Variants in CDIN1 observed in about 807,000 individuals in gnomAD.
CDIN1 encodes the protein CDAN1 interacting nuclease 1.
A neutral mutation model predicts 45.3 loss-of-function variants in CDIN1; 33 were observed. The ratio of observed to expected loss-of-function variants is 0.73; its 90% CI spans 0.55 to 0.97. CDIN1 has a LOEUF of 0.97. CDIN1 is among the 50% of genes least tolerant of loss of function. The pLI is 0.00. For synonymous variants in CDIN1, 118 were observed against 124.4 expected, an observed-to-expected ratio of 0.95 and a Z score of 0.34; for missense variants, 303 against 339.4, an observed-to-expected ratio of 0.89 and a Z score of 0.84.
intron 1 of CDIN1, among the ~76,000 whole-genome samples, chr15:36,594,618 G>T (rs2140202930): frequency 6.6e-6 from 1 of 152,246 alleles, no homozygotes; most frequent in South Asian, 2.1e-4. Context: ...GAGAAGGAAA[G>T]GTTGGAATAT....
At chr15:36,639,587 CA>C (rs1173521224) in intron 1 of CDIN1, among the ~76,000 whole-genome samples, 1 of 151,548 alleles carries the variant, frequency 6.6e-6, no homozygotes, top group Non-Finnish European at 1.5e-5. Context: ...GACTCTGTCT[CA>C]AAAAAAACTG....
chr15:36,595,874 G>A (rs183044926), intron 1 of CDIN1, among the ~76,000 whole-genome samples: 1 of 152,242 alleles, frequency 6.6e-6, no homozygotes, highest in East Asian at 1.9e-4. Context: ...GGCGCCTGCT[G>A]AGAAGGCCAT....
chr15:36,604,165 G>GAC (rs976896531), intron 1 of CDIN1, among the ~76,000 whole-genome samples: 8 of 152,102 alleles, frequency 5.3e-5, no homozygotes, highest in Non-Finnish European at 1.5e-5. Flanking sequence ...CCACCCTGAA[G>GAC]AGGGGAGTTA....
chr15:36,768,993 A>G (rs1342042041), intron 10 of CDIN1, among the ~76,000 whole-genome samples: 4 of 152,132 alleles, frequency 2.6e-5, no homozygotes, highest in Non-Finnish European at 5.9e-5. Flanking sequence ...CTGTTATAAA[A>G]AAAAATTGCA....
At position 36,600,959 on chromosome 15, in the gene CDIN1, CTT is replaced by C. The variant is rs1456106477; in HGVS notation, c.101+21001_101+21002del. Among the ~76,000 whole-genome samples, 3 of 151,770 alleles carry C rather than the reference CTT, an allele frequency of 2.0e-5. No homozygotes were observed. In the East Asian group the frequency reaches 5.8e-4, roughly 29 times the overall value. On this transcript the variant is annotated intron_variant, in intron 1 of 10. Coordinates refer to ENST00000566621, the MANE Select transcript of CDIN1 (RefSeq NM_001321759.2). The stretch of plus-strand genomic sequence containing the variant: ...TGGTTAATTCTAAGTTAGTGATTGA[CTT>C]TTATTCGTGAGTGAGAGTAAATTTG...
chr15:36,630,821 G>A (rs1595391476), intron 1 of CDIN1, among the ~76,000 whole-genome samples: 1 of 152,136 alleles, frequency 6.6e-6, no homozygotes, highest in East Asian at 1.9e-4. Flanking sequence ...GAGAGAGGAG[G>A]AGGAGGGGAG....
intron 10 of CDIN1, among the ~76,000 whole-genome samples, chr15:36,718,237 T>C (rs2043282965): frequency 6.6e-6 from 1 of 152,148 alleles, no homozygotes. Context: ...GGTTTGTCTA[T>C]ACCAATTCAA....
chr15:36,791,095 T>C (rs139250742), intron 10 of CDIN1, among the ~76,000 whole-genome samples: 10 of 152,180 alleles, frequency 6.6e-5, no homozygotes, highest in African/African-American at 2.4e-4. Flanking sequence ...CTTGAGGAAG[T>C]AGGAAAGCTC....
chr15:36,795,091 T>A (rs1430707601), intron 10 of CDIN1, among the ~76,000 whole-genome samples: 1 of 152,126 alleles, frequency 6.6e-6, no homozygotes, highest in Admixed American at 6.5e-5. Context: ...GTTGATCTCA[T>A]GGGGGTAAAG....
chr15:36,777,550 A>G (rs1451975972), intron 10 of CDIN1, among the ~76,000 whole-genome samples: 1 of 152,180 alleles, frequency 6.6e-6, no homozygotes, highest in East Asian at 1.9e-4. Context: ...CATTCAGAAG[A>G]CATTTATTGA....
Position 36,703,219 on chromosome 15 carries a change from A to AATATATATATCAGATATATAT in CDIN1, c.544+5839_544+5840insCAGATATATATATATATATAT, listed in dbSNP as rs1555397223. Among the ~76,000 whole-genome samples the AATATATATATCAGATATATAT allele has an allele frequency of 1.9e-4, 11 of 57,376 alleles. 3 individuals carry two copies. The highest frequency in any genetic ancestry group is 8.8e-4 in the African/African-American group (11 of 12,510). The allele number at this position is 57,376 out of a possible 152,430, so 37.6% of individuals were successfully genotyped here. ...GGCAATAGAGTGAGACCCTGTCTCA[A>AATATATATATCAGATATATAT]ATATATATATATATCAGATATATAT... On this transcript the variant is annotated intron_variant, in intron 8 of 10. Transcript: ENST00000566621.
intron 1 of CDIN1, among the ~76,000 whole-genome samples, chr15:36,604,049 T>C (rs887557982): frequency 2.6e-5 from 4 of 152,140 alleles, no homozygotes; most frequent in African/African-American, 9.7e-5. Context: ...GGAAGACAGA[T>C]TTTCTGCTAC....
intron 10 of CDIN1, among the ~76,000 whole-genome samples, chr15:36,755,308 A>C (rs2053581381): frequency 6.6e-6 from 1 of 152,200 alleles, no homozygotes; most frequent in Non-Finnish European, 1.5e-5. Context: ...CCGGGCACCC[A>C]AACCCTGCAA....
chr15:36,619,544 G>A (rs1226131339), intron 1 of CDIN1, among the ~76,000 whole-genome samples: 1 of 148,168 alleles, frequency 6.7e-6, no homozygotes, highest in Non-Finnish European at 1.5e-5. Flanking sequence ...CACATATAAA[G>A]TGTATTTTTT....
chr15:36,663,380 A>G (rs1242095318), intron 5 of CDIN1, among the ~76,000 whole-genome samples: 1 of 152,186 alleles, frequency 6.6e-6, no homozygotes, highest in Non-Finnish European at 1.5e-5. Context: ...GATACGGAAG[A>G]TATCTGAAAT....
At chr15:36,691,534 T>C (rs911702091) in intron 5 of CDIN1, 151 bp from the exon 6 acceptor site, 9 of 578,482 alleles carry the variant, frequency 1.6e-5, no homozygotes, top group Non-Finnish European at 2.1e-5. Flanking sequence ...AATTAAAAGC[T>C]TCTGTTAGAT....
intron 4 of CDIN1, among the ~76,000 whole-genome samples, chr15:36,654,500 A>C (rs1377780526): frequency 6.8e-6 from 1 of 146,302 alleles, no homozygotes; most frequent in Non-Finnish European, 1.5e-5. Context: ...GTGTCAAGTA[A>C]AGAGATGGAT....
chr15:36,635,226 G>GAT (rs1438672832), intron 1 of CDIN1, among the ~76,000 whole-genome samples: 1 of 152,142 alleles, frequency 6.6e-6, no homozygotes, highest in Non-Finnish European at 1.5e-5. Context: ...AATTGACTAA[G>GAT]GTGATCCTAG....
At chr15:36,710,008 A>C (rs1214021114) in intron 10 of CDIN1, 47 bp downstream of exon 10, 1 of 1,367,352 alleles carries the variant, frequency 7.3e-7, no homozygotes, top group Non-Finnish European at 1.0e-6. Context: ...ACTCAGCTGA[A>C]ATCTCATTAG....
Sources: gnomAD v4.1 joint callset for allele counts (sites outside exome capture counted in the v4.1 genomes callset) on GRCh38, gnomAD v4.1.1 for gene constraint, MANE v1.5 for transcripts, NCBI Gene and HGNC (gene_info 2026-07-23, HGNC 2026-07-21) for gene names.